UNC80: variants seen among roughly 807,000 people sequenced by gnomAD.
UNC80 encodes unc-80 subunit of NALCN channel complex, also known as protein unc-80 homolog.
UNC80 carries 164 observed loss-of-function variants against 384.6 expected under a neutral mutation model. The ratio of observed to expected loss-of-function variants is 0.43; its 90% CI spans 0.38 to 0.49. UNC80 has a LOEUF of 0.49. UNC80 is among the 20% of genes least tolerant of loss of function. UNC80 has a pLI of 0.00. For missense variants in UNC80, 3,330 were observed against 4,143.0 expected, an observed-to-expected ratio of 0.80 and a Z score of 5.39; for synonymous variants, 1,486 against 1,527.8, an observed-to-expected ratio of 0.97 and a Z score of 0.64.
At chr2:209,853,236 T>C (rs527660971) in intron 22 of UNC80, among the ~76,000 whole-genome samples, 1 of 152,250 alleles carries the variant, frequency 6.6e-6, no homozygotes, top group African/African-American at 2.4e-5. Context: ...ATTTTTTAAG[T>C]GCAGCTTAAA....
At chr2:209,817,193 C>A (rs947744289) in intron 10 of UNC80, 68 bp downstream of exon 10, 9 of 1,410,084 alleles carry the variant, frequency 6.4e-6, no homozygotes, top group Non-Finnish European at 8.8e-6. Context: ...TCTAGGGCTT[C>A]TGGGCAAATC....
chr2:209,908,055 T>C (rs1403807915), intron 29 of UNC80, among the ~76,000 whole-genome samples: 2 of 152,236 alleles, frequency 1.3e-5, no homozygotes, highest in African/African-American at 4.8e-5. Context: ...ATAAACATTT[T>C]ATTTGCAAAA....
rs1559166719 is a variant in UNC80, at chr2:209,834,118, G to A, written c.2892G>A (p.Gly964=). ...LLDSAEKLAP[G]KKVEENEQES... ...ACAGTGCCGAGAAGTTAGCACCAGG[G>A]AAAAAGGTGGAGGAGAATGAACAGG... Residue 964 remains glycine (G), a synonymous_variant, in exon 17 of 65, where the codon GGG becomes GGA. Coordinates refer to ENST00000673920, the MANE Select transcript of UNC80 (RefSeq NM_001371986.1). 4.5e-6 allele frequency: 7 copies of A among 1,551,488 alleles called. No homozygotes were observed. Among genetic ancestry groups the A allele is most frequent in the Admixed American group, 3.9e-5 (2 of 50,984 alleles).
intron 16 of UNC80, among the ~76,000 whole-genome samples, chr2:209,832,286 G>A (rs2081029691): frequency 6.6e-6 from 1 of 152,002 alleles, no homozygotes. Flanking sequence ...AATATCATCT[G>A]TTCCCCAAAA....
In UNC80 at chr2:209,912,627, GA is replaced by G; in HGVS notation, c.4857del (p.Asp1620IlefsTer5). On this transcript the variant is annotated frameshift_variant, in exon 30 of 65. Coordinates refer to ENST00000673920, the MANE Select transcript of UNC80 (RefSeq NM_001371986.1). LOFTEE classifies it high-confidence loss of function. ...KKRVSDANLE[G>X]KKDSGMLKYI... ...AGAGTTTCAGATGCCAATCTGGAAG[GA>G]AAAAAAGATTCCGGAATGCTGAAGT... 3 of 1,551,246 alleles carry G rather than the reference GA, an allele frequency of 1.9e-6. No homozygotes were observed. Among genetic ancestry groups the G allele is most frequent in the Non-Finnish European group, 2.6e-6 (3 of 1,146,782 alleles).
chr2:209,798,494 G>A (rs10172938), intron 7 of UNC80, among the ~76,000 whole-genome samples: 1,949 of 151,978 alleles, frequency 0.013, 43 homozygotes, highest in African/African-American at 0.045. Context: ...TATTTCTGAG[G>A]TCTCTGTTCT....
chr2:209,956,546 A>G (rs1271163629), intron 48 of UNC80, among the ~76,000 whole-genome samples: 1 of 152,038 alleles, frequency 6.6e-6, no homozygotes, highest in African/African-American at 2.4e-5. Flanking sequence ...CCAACCAGCA[A>G]TAGCATCTTG....
In UNC80 at chr2:209,973,218, A is replaced by G. The variant is rs568019339; in HGVS notation, c.8535A>G (p.Lys2845=). The G allele has an allele frequency of 1.7e-5, 27 of 1,551,564 alleles. No individual in the cohort carries two copies. The highest frequency in any genetic ancestry group is 2.3e-5 in the Non-Finnish European group (26 of 1,147,004). The change falls in exon 56 of 65, where the codon AAA becomes AAG. Residue 2845 remains lysine (K), a synonymous_variant. Transcript: ENST00000673920. ...GCTCCACCCCTGGGGATGCGGGGAA[A>G]GACTTGCGCAGGGAAGGGCTGGCTG... ...AHCSTPGDAG[K]DLRREGLAES...
chr2:209,971,823 G>GT (rs2092896250), intron 54 of UNC80, among the ~76,000 whole-genome samples: 1 of 152,232 alleles, frequency 6.6e-6, no homozygotes, highest in East Asian at 1.9e-4. Context: ...GGGGCCAGAG[G>GT]AATAACTACC....
At position 209,842,391 on chromosome 2, in the gene UNC80, A is replaced by G. The variant is rs2081833254; in HGVS notation, c.3399A>G (p.Pro1133=). ...CTGTGAAGCTTTCTGAAGGTGGGCC[A>G]GGAAGTGGCATGGAAAATGGAAGAG... The part of the protein sequence containing the change: ...TSAVKLSEGG[P]GSGMENGRDE... The change falls in exon 21 of 65, where the codon CCA becomes CCG. Residue 1133 remains proline, a synonymous_variant. Transcript: ENST00000673920. 1 of 1,551,286 alleles carries G rather than the reference A, an allele frequency of 6.4e-7. No homozygotes were observed. The highest frequency in any genetic ancestry group is 1.4e-5 in the African/African-American group (1 of 73,144).
chr2:209,848,868 CTG>C (rs1489953508), intron 21 of UNC80, among the ~76,000 whole-genome samples: 1 of 152,066 alleles, frequency 6.6e-6, no homozygotes, highest in Non-Finnish European at 1.5e-5. Flanking sequence ...AGGCCCATAA[CTG>C]TAAACACCCC....
intron 25 of UNC80, among the ~76,000 whole-genome samples, chr2:209,882,188 G>A (rs1489083309): frequency 5.3e-5 from 8 of 151,868 alleles, no homozygotes; most frequent in Admixed American, 4.6e-4. Context: ...GGATGGTCTC[G>A]ATCTCCTGAC....
intron 38 of UNC80, among the ~76,000 whole-genome samples, chr2:209,933,142 CATCTT>C (rs1183419323): frequency 2.0e-5 from 3 of 152,136 alleles, no homozygotes; most frequent in Non-Finnish European, 4.4e-5. Flanking sequence ...AGTCAGTCCT[CATCTT>C]ATTTCAATGT....
chr2:209,956,549 G>A (rs1157199888), intron 48 of UNC80, among the ~76,000 whole-genome samples: 1 of 151,838 alleles, frequency 6.6e-6, no homozygotes, highest in East Asian at 1.9e-4. Context: ...ACCAGCAATA[G>A]CATCTTGAAT....
At chr2:209,935,193 C>T (rs2124971192) in intron 39 of UNC80, among the ~76,000 whole-genome samples, 1 of 152,288 alleles carries the variant, frequency 6.6e-6, no homozygotes, top group East Asian at 1.9e-4. Flanking sequence ...TCTAACTCTT[C>T]CACTAAATAA....
intron 60 of UNC80, chr2:209,982,574 C>A: frequency 3.1e-6 from 1 of 325,678 alleles, no homozygotes; most frequent in Non-Finnish European, 5.6e-6. Context: ...ACATGGTCTT[C>A]TTTCTGTTGT....
At chr2:209,867,556 A>G (rs1332196068) in intron 22 of UNC80, among the ~76,000 whole-genome samples, 1 of 152,004 alleles carries the variant, frequency 6.6e-6, no homozygotes, top group Admixed American at 6.6e-5. Context: ...TGTCAGGCAA[A>G]CCAACTTCTT....
At chr2:209,833,417 A>G (rs2081132895) in intron 16 of UNC80, among the ~76,000 whole-genome samples, 1 of 152,220 alleles carries the variant, frequency 6.6e-6, no homozygotes, top group Non-Finnish European at 1.5e-5. Context: ...TATTGGTTTT[A>G]ATAGCCCTAC....
chr2:209,837,423 T>G (rs532893170), intron 18 of UNC80, among the ~76,000 whole-genome samples: 2 of 152,304 alleles, frequency 1.3e-5, no homozygotes, highest in Admixed American at 6.5e-5. Context: ...CAACTAGAGA[T>G]AACCTCTGTA....
Sources: allele counts gnomAD v4.1 joint callset (sites outside exome capture counted in the v4.1 genomes callset), GRCh38; gene constraint gnomAD v4.1.1; transcripts MANE v1.5; gene names NCBI Gene and HGNC (gene_info 2026-07-23, HGNC 2026-07-21).